SLC16A10: variants seen among roughly 807,000 people sequenced by gnomAD.
SLC16A10 encodes monocarboxylate transporter 10.
In SLC16A10, 27 loss-of-function variants were observed where a neutral mutation model predicts 40.0. The ratio of observed to expected loss-of-function variants is 0.67; its 90% CI spans 0.50 to 0.93. The LOEUF is 0.93. Among genes scored for constraint, SLC16A10 ranks in the 40% least tolerant of loss-of-function variants. The pLI is 0.00. For synonymous variants in SLC16A10, 213 were observed against 249.8 expected (o/e 0.85, Z 1.39); for missense variants, 529 against 658.2 (o/e 0.80, Z 2.15).
chr6:111,143,287 G>C (rs1052644395), intron 1 of SLC16A10, among the ~76,000 whole-genome samples: 1 of 151,826 alleles, frequency 6.6e-6, no homozygotes, highest in Non-Finnish European at 1.5e-5. Context: ...TGTTGCCCAG[G>C]CTGGTTTTGA....
intron 3 of SLC16A10, among the ~76,000 whole-genome samples, chr6:111,198,577 G>A (rs1238201948): frequency 6.6e-6 from 1 of 152,168 alleles, no homozygotes; most frequent in East Asian, 1.9e-4. Context: ...GCATGTTACT[G>A]CACTGAATGC....
At chr6:111,150,022 T>C (rs1334151263) in intron 1 of SLC16A10, among the ~76,000 whole-genome samples, 3 of 152,234 alleles carry the variant, frequency 2.0e-5, no homozygotes, top group African/African-American at 7.2e-5. Flanking sequence ...GCTGTTGATA[T>C]TAAGTGACTT....
At chr6:111,149,644 G>A (rs1338684056) in intron 1 of SLC16A10, among the ~76,000 whole-genome samples, 1 of 151,918 alleles carries the variant, frequency 6.6e-6, no homozygotes, top group Non-Finnish European at 1.5e-5. Context: ...TCTCATACTG[G>A]GCACCTTACT....
rs1772705876 is a variant in SLC16A10, at chr6:111,177,395, G to A, written c.672G>A (p.Leu224=). 1 of 1,613,916 alleles carries A rather than the reference G, an allele frequency of 6.2e-7. No homozygotes were observed. Among genetic ancestry groups the A allele is most frequent in the Admixed American group, 1.7e-5 (1 of 59,956 alleles). Residue 224 remains leucine (L), a synonymous_variant, in exon 3 of 6, where the codon CTG becomes CTA. Coordinates refer to ENST00000368851, the MANE Select transcript of SLC16A10 (RefSeq NM_018593.5). ...TILLPLLLRV[L]IDSVGLFYTL... is the part of the protein sequence containing the mutation. ...TGCTGCCTTTGCTCTTAAGGGTTCT[G>A]ATTGACAGCGTGGGCCTCTTTTACA...
chr6:111,158,255 G>T (rs1772307831), intron 1 of SLC16A10, among the ~76,000 whole-genome samples: 1 of 151,990 alleles, frequency 6.6e-6, no homozygotes, highest in South Asian at 2.1e-4. Flanking sequence ...TTACTTTTCT[G>T]CCATGACAAT....
intron 1 of SLC16A10, among the ~76,000 whole-genome samples, chr6:111,138,258 G>A (rs545239814): frequency 6.6e-6 from 1 of 152,212 alleles, no homozygotes; most frequent in Non-Finnish European, 1.5e-5. Flanking sequence ...GAATAAATAA[G>A]TGGGTAGTTA....
intron 3 of SLC16A10, among the ~76,000 whole-genome samples, chr6:111,197,294 A>C (rs780864928): frequency 5.3e-5 from 8 of 152,186 alleles, no homozygotes; most frequent in Non-Finnish European, 1.2e-4. Context: ...GAAAGGTAGA[A>C]TTTTCATGGA....
chr6:111,181,826 A>C (rs549012157), intron 3 of SLC16A10, among the ~76,000 whole-genome samples: 1 of 152,298 alleles, frequency 6.6e-6, no homozygotes, highest in African/African-American at 2.4e-5. Context: ...CCCACTTAAA[A>C]TCTTTTTTAG....
chr6:111,167,388 G>A (rs1038762130), intron 1 of SLC16A10, among the ~76,000 whole-genome samples: 36 of 152,152 alleles, frequency 2.4e-4, no homozygotes, highest in African/African-American at 8.2e-4. Flanking sequence ...ATCTGAGCTG[G>A]CACCTTCTTG....
At chr6:111,198,269 G>C (rs184010513) in intron 3 of SLC16A10, among the ~76,000 whole-genome samples, 1 of 152,114 alleles carries the variant, frequency 6.6e-6, no homozygotes, top group Non-Finnish European at 1.5e-5. Flanking sequence ...CTGGGCAACC[G>C]AGTGAGGCTC....
chr6:111,140,309 A>G (rs890958574), intron 1 of SLC16A10, among the ~76,000 whole-genome samples: 1 of 152,136 alleles, frequency 6.6e-6, no homozygotes, highest in Non-Finnish European at 1.5e-5. Context: ...CAAAAAGTAC[A>G]AAAATTAGCT....
rs529232975 is a variant in SLC16A10, at chr6:111,149,157, T to C, written c.344-23538T>C. Among the ~76,000 whole-genome samples, 5 of 152,336 alleles carry C rather than the reference T, an allele frequency of 3.3e-5. No homozygotes were observed. The Middle Eastern group carries it at 0.01, about 311-fold the overall frequency. On this transcript the variant is annotated intron_variant, in intron 1 of 5. Coordinates refer to ENST00000368851, the MANE Select transcript of SLC16A10 (RefSeq NM_018593.5). ...TTCTGGCAAGTTAGTAATTCAACTA[T>C]GATTCTAGGTCAGACAAAACCAGTT...
intron 3 of SLC16A10, among the ~76,000 whole-genome samples, chr6:111,197,138 G>A (rs755328377): frequency 2.6e-5 from 4 of 152,200 alleles, no homozygotes; most frequent in Non-Finnish European, 5.9e-5. Flanking sequence ...ATTTGAGCCA[G>A]CAATTAGATG....
chr6:111,225,645 T>A lies in SLC16A10; in HGVS notation c.*3410T>A, dbSNP rs1770983070. The A allele has an allele frequency of 6.6e-6, 1 of 152,182 alleles. No individual in the cohort carries two copies. Among genetic ancestry groups the A allele is most frequent in the Non-Finnish European group, 1.5e-5 (1 of 68,038 alleles). The allele number at this position is 152,182 out of a possible 1,614,324, so 9.4% of individuals were successfully genotyped here. Reference sequence around the variant, plus strand: ...CCTTTTAGCTGCATTTAAGAATATTTTAATTTATACGAATGTTACTTGAAA... The same window carrying A: ...CCTTTTAGCTGCATTTAAGAATATTATAATTTATACGAATGTTACTTGAAA... On this transcript the variant is annotated 3_prime_UTR_variant, in exon 6 of 6. Transcript: ENST00000368851.
intron 1 of SLC16A10, among the ~76,000 whole-genome samples, chr6:111,102,520 A>G (rs11961205): frequency 0.011 from 1,659 of 152,316 alleles, 7 homozygotes; most frequent in African/African-American, 0.022. Context: ...ATGCCAGTGA[A>G]TATATTAGAG....
intron 1 of SLC16A10, among the ~76,000 whole-genome samples, chr6:111,127,379 G>A (rs1262812252): frequency 6.6e-6 from 1 of 152,158 alleles, no homozygotes; most frequent in Non-Finnish European, 1.5e-5. Flanking sequence ...AAGCACAGAA[G>A]CCGAAAGGCA....
intron 1 of SLC16A10, among the ~76,000 whole-genome samples, chr6:111,092,715 CA>C (rs1771002621): frequency 6.6e-6 from 1 of 151,886 alleles, no homozygotes; most frequent in African/African-American, 2.4e-5. Context: ...CAAAGAAATA[CA>C]ATTAAGTGGA....
chr6:111,181,583 A>G (rs541344456), intron 3 of SLC16A10, among the ~76,000 whole-genome samples: 2 of 152,294 alleles, frequency 1.3e-5, no homozygotes, highest in Non-Finnish European at 2.9e-5. Flanking sequence ...TTGATCAACT[A>G]GGGAACTAAC....
chr6:111,150,162 T>TC (rs2114514283), intron 1 of SLC16A10, among the ~76,000 whole-genome samples: 1 of 152,352 alleles, frequency 6.6e-6, no homozygotes, highest in Admixed American at 6.5e-5. Flanking sequence ...AATGGATTAA[T>TC]GCCGTTGTTG....
Sources: allele counts gnomAD v4.1 joint callset (sites outside exome capture counted in the v4.1 genomes callset), GRCh38; gene constraint gnomAD v4.1.1; transcripts MANE v1.5; gene names NCBI Gene and HGNC (gene_info 2026-07-23, HGNC 2026-07-21).